Variants in PTPRD observed in about 807,000 individuals in gnomAD.
PTPRD encodes protein tyrosine phosphatase receptor type D, also known as receptor-type tyrosine-protein phosphatase delta.
Under a neutral mutation model 214.5 loss-of-function variants are expected in PTPRD, and 34 were observed. The ratio of observed to expected loss-of-function variants is 0.16; its 90% CI spans 0.12 to 0.21. The LOEUF is 0.21. Among genes scored for constraint, PTPRD ranks in the 10% least tolerant of loss-of-function variants. The pLI is 1.00. For missense variants in PTPRD, 2,545 were observed against 2,398.7 expected, an observed-to-expected ratio of 1.06 and a Z score of -1.27; for synonymous variants, 1,128 against 845.7, an observed-to-expected ratio of 1.33 and a Z score of -5.79.
intron 35 of PTPRD, among the ~76,000 whole-genome samples, chr9:8,434,346 T>A (rs1353591010): frequency 1.3e-5 from 2 of 152,196 alleles, no homozygotes; most frequent in Admixed American, 1.3e-4. Context: ...AATAGTTGGG[T>A]ATAGTAACTT....
At chr9:10,539,983 C>G (rs886222866) in intron 2 of PTPRD, among the ~76,000 whole-genome samples, 1 of 152,116 alleles carries the variant, frequency 6.6e-6, no homozygotes, top group African/African-American at 2.4e-5. Context: ...TCTTTGTATT[C>G]AGATAAACTA....
intron 7 of PTPRD, among the ~76,000 whole-genome samples, chr9:9,640,553 T>C (rs941481904): frequency 1.3e-5 from 2 of 152,180 alleles, no homozygotes; most frequent in African/African-American, 4.8e-5. Context: ...GAATCATAAC[T>C]GATAAAATGT....
chr9:8,940,171 C>T lies in PTPRD; in HGVS notation c.-104+78526G>A, dbSNP rs568591674. 3.3e-5 allele frequency among the ~76,000 whole-genome samples: 5 copies of T among 151,274 alleles called. No homozygotes were observed. In the South Asian group the frequency reaches 8.4e-4, roughly 25 times the overall value. On this transcript the variant is annotated intron_variant, in intron 11 of 45. Coordinates refer to ENST00000381196, the MANE Select transcript of PTPRD (RefSeq NM_002839.4). ...AGACCTGAGAGGCTCTGAACTCAGT[C>T]TTCAGGCTACATGGTTCAATCCCTG... is the stretch of plus-strand genomic sequence containing the variant.
At chr9:9,243,132 A>G (rs1007246962) in intron 9 of PTPRD, among the ~76,000 whole-genome samples, 1 of 152,142 alleles carries the variant, frequency 6.6e-6, no homozygotes, top group African/African-American at 2.4e-5. Context: ...CCTGGGTATC[A>G]GCAGCGGAGG....
At chr9:10,028,572 G>A (rs890429014) in intron 4 of PTPRD, among the ~76,000 whole-genome samples, 1 of 152,158 alleles carries the variant, frequency 6.6e-6, no homozygotes, top group African/African-American at 2.4e-5. Context: ...AGATGGAGAT[G>A]AGGGACTTGT....
chr9:8,485,473 T>C (rs2096980445), intron 28 of PTPRD, 149 bp from the exon 29 acceptor site: 4 of 634,340 alleles, frequency 6.3e-6, no homozygotes, highest in African/African-American at 3.7e-5. Flanking sequence ...AGAGCATTCA[T>C]TTTAATACCC....
chr9:8,803,685 C>T (rs2096616082), intron 11 of PTPRD, among the ~76,000 whole-genome samples: 1 of 151,532 alleles, frequency 6.6e-6, no homozygotes, highest in Admixed American at 6.6e-5. Context: ...GATCGGCTCA[C>T]TTGTAACCAC....
chr9:9,492,054 T>C (rs35383799), intron 8 of PTPRD, among the ~76,000 whole-genome samples: 12,136 of 151,602 alleles, frequency 0.08, 607 homozygotes, highest in South Asian at 0.14. Context: ...GAAATGAAAG[T>C]GGGGGCATTA....
chr9:9,516,125 T>C (rs1158396370), intron 8 of PTPRD, among the ~76,000 whole-genome samples: 2 of 152,172 alleles, frequency 1.3e-5, no homozygotes, highest in Non-Finnish European at 2.9e-5. Flanking sequence ...AAAATTAAAA[T>C]TGATTTTTCC....
chr9:8,562,452 T>A (rs1211711397), intron 14 of PTPRD, among the ~76,000 whole-genome samples: 2 of 152,040 alleles, frequency 1.3e-5, no homozygotes, highest in African/African-American at 4.8e-5. Context: ...ATTTTATTTT[T>A]TTGAGACAAG....
At chr9:9,415,680 C>T (rs1234463871) in intron 8 of PTPRD, among the ~76,000 whole-genome samples, 1 of 151,892 alleles carries the variant, frequency 6.6e-6, no homozygotes, top group African/African-American at 2.4e-5. Context: ...AGTAATAGGA[C>T]AAAATTTTTG....
intron 3 of PTPRD, among the ~76,000 whole-genome samples, chr9:10,094,388 C>G: frequency 6.6e-6 from 1 of 151,278 alleles, no homozygotes; most frequent in South Asian, 2.1e-4. Flanking sequence ...ATTCATAGAG[C>G]CACTTGAAGA....
intron 39 of PTPRD, among the ~76,000 whole-genome samples, chr9:8,360,650 A>T (rs1391543968): frequency 6.6e-6 from 1 of 152,174 alleles, no homozygotes; most frequent in Non-Finnish European, 1.5e-5. Flanking sequence ...TACTGGTTAT[A>T]TTTATATATA....
At chr9:10,468,075 T>C (rs988767530) in intron 2 of PTPRD, among the ~76,000 whole-genome samples, 6 of 152,170 alleles carry the variant, frequency 3.9e-5, no homozygotes, top group African/African-American at 1.2e-4. Flanking sequence ...AGTTCAACCA[T>C]TGTGGAAGAC....
At chr9:10,374,085 T>C (rs570099745) in intron 2 of PTPRD, among the ~76,000 whole-genome samples, 19 of 152,186 alleles carry the variant, frequency 1.2e-4, no homozygotes, top group South Asian at 1.2e-3. Flanking sequence ...AAAGTAGTTA[T>C]GTATAAGTTA....
At chr9:8,672,163 C>T (rs1031510079) in intron 12 of PTPRD, among the ~76,000 whole-genome samples, 1 of 152,146 alleles carries the variant, frequency 6.6e-6, no homozygotes, top group Non-Finnish European at 1.5e-5. Context: ...ACTAATAAAA[C>T]CTTTGATGTA....
At chr9:10,039,438 C>T (rs78416512) in intron 3 of PTPRD, among the ~76,000 whole-genome samples, 2,691 of 152,106 alleles carry the variant, frequency 0.018, 70 homozygotes, top group African/African-American at 0.059. Flanking sequence ...ATATAAATCT[C>T]TATTATCTGT....
chr9:8,444,198 T>C (rs1328008339), intron 34 of PTPRD, among the ~76,000 whole-genome samples: 1 of 152,162 alleles, frequency 6.6e-6, no homozygotes, highest in Non-Finnish European at 1.5e-5. Context: ...ACATGAGTAA[T>C]AACCTAGCCT....
At chr9:10,539,452 T>G (rs1000839999) in intron 2 of PTPRD, among the ~76,000 whole-genome samples, 3 of 152,244 alleles carry the variant, frequency 2.0e-5, no homozygotes, top group African/African-American at 7.2e-5. Flanking sequence ...CCCAAAGTGC[T>G]GGGATTACAG....
Sources: gnomAD v4.1 joint callset for allele counts (sites outside exome capture counted in the v4.1 genomes callset) on GRCh38, gnomAD v4.1.1 for gene constraint, MANE v1.5 for transcripts, NCBI Gene and HGNC (gene_info 2026-07-23, HGNC 2026-07-21) for gene names.